The following SOX5 variants were observed in gnomAD, a reference collection of about 807,000 sequenced individuals.
SOX5 encodes the protein transcription factor SOX-5.
A neutral mutation model predicts 92.0 loss-of-function variants in SOX5; 9 were observed. The ratio of observed to expected loss-of-function variants is 0.10; its 90% CI spans 0.06 to 0.17. SOX5 has a LOEUF of 0.17. Among genes scored for constraint, SOX5 ranks in the 10% least tolerant of loss-of-function variants. SOX5 has a pLI of 1.00. For missense variants in SOX5, 642 were observed against 944.5 expected (o/e 0.68, Z 4.20); for synonymous variants, 344 against 336.3 (o/e 1.02, Z -0.25).
At chr12:23,914,331 C>A (rs1022978753) in intron 1 of SOX5, among the ~76,000 whole-genome samples, 60 of 152,004 alleles carry the variant, frequency 3.9e-4, no homozygotes, top group Middle Eastern at 3.2e-3. Context: ...ATGATATATT[C>A]CATGATGCTT....
At chr12:24,504,741 C>CT (rs958612188) in intron 1 of SOX5, among the ~76,000 whole-genome samples, 3 of 151,970 alleles carry the variant, frequency 2.0e-5, no homozygotes, top group African/African-American at 7.3e-5. Flanking sequence ...GTTCCTTTTT[C>CT]TTTTTTCAAC....
At chr12:24,204,343 ATT>A (rs1027463860) in intron 4 of SOX5, among the ~76,000 whole-genome samples, 1 of 151,104 alleles carries the variant, frequency 6.6e-6, no homozygotes, top group Admixed American at 6.6e-5. Flanking sequence ...TATTATTATT[ATT>A]TGAGATGGAC....
chr12:24,318,613 C>T (rs1018861283), intron 2 of SOX5, among the ~76,000 whole-genome samples: 1 of 152,146 alleles, frequency 6.6e-6, no homozygotes, highest in African/African-American at 2.4e-5. Flanking sequence ...TGACCATCTG[C>T]CTTCTTTACA....
At chr12:24,202,270 A>G (rs1957595148) in intron 4 of SOX5, among the ~76,000 whole-genome samples, 1 of 152,322 alleles carries the variant, frequency 6.6e-6, no homozygotes, top group South Asian at 2.1e-4. Flanking sequence ...TTTATATAGC[A>G]ATGGATAATA....
intron 7 of SOX5, among the ~76,000 whole-genome samples, chr12:23,644,699 A>G (rs1274179396): frequency 1.3e-5 from 2 of 152,222 alleles, no homozygotes; most frequent in Non-Finnish European, 2.9e-5. Flanking sequence ...GGGACAACCA[A>G]TATTACATAA....
At chr12:24,058,944 A>C (rs1164308841) in intron 4 of SOX5, among the ~76,000 whole-genome samples, 1 of 152,204 alleles carries the variant, frequency 6.6e-6, no homozygotes, top group African/African-American at 2.4e-5. Flanking sequence ...GATTCCTATG[A>C]AAAGATATCT....
intron 4 of SOX5, among the ~76,000 whole-genome samples, chr12:24,002,006 G>A (rs1951657425): frequency 6.6e-6 from 1 of 152,060 alleles, no homozygotes; most frequent in Non-Finnish European, 1.5e-5. Flanking sequence ...AAAATAGTGT[G>A]AGCTAAATGA....
intron 1 of SOX5, among the ~76,000 whole-genome samples, chr12:24,465,860 C>T (rs1944175078): frequency 6.6e-6 from 1 of 152,180 alleles, no homozygotes; most frequent in African/African-American, 2.4e-5. Context: ...TTCGGGAGAA[C>T]CTGCAATATC....
At chr12:23,930,403 A>G (rs1280526442) in intron 1 of SOX5, among the ~76,000 whole-genome samples, 1 of 151,750 alleles carries the variant, frequency 6.6e-6, no homozygotes, top group Non-Finnish European at 1.5e-5. Context: ...GCTCAAGTAA[A>G]CCTACAAAAG....
chr12:24,298,800 A>AAAC, intron 2 of SOX5, among the ~76,000 whole-genome samples: 1 of 123,440 alleles, frequency 8.1e-6, no homozygotes, highest in East Asian at 2.1e-4. Flanking sequence ...AAAAAAAAAA[A>AAAC]CTACATTTTT....
chr12:24,070,768 G>C (rs1280270712), intron 4 of SOX5, among the ~76,000 whole-genome samples: 17 of 152,144 alleles, frequency 1.1e-4, no homozygotes, highest in African/African-American at 3.6e-4. Context: ...TAAGTGTACA[G>C]CTCAAACAAT....
chr12:24,003,372 C>T (rs2418155), intron 4 of SOX5, among the ~76,000 whole-genome samples: 62,663 of 151,542 alleles, frequency 0.41, 13,467 homozygotes, highest in East Asian at 0.69. Context: ...GTAAAACTGT[C>T]TTTCTTCTCG....
chr12:23,556,206 C>G (rs1236041473), intron 11 of SOX5, among the ~76,000 whole-genome samples: 1 of 152,080 alleles, frequency 6.6e-6, no homozygotes, highest in Non-Finnish European at 1.5e-5. Flanking sequence ...ACCTAAGGAT[C>G]AAATGCCAAC....
chr12:24,495,655 G>A (rs1280307671), intron 1 of SOX5, among the ~76,000 whole-genome samples: 1 of 152,144 alleles, frequency 6.6e-6, no homozygotes, highest in African/African-American at 2.4e-5. Flanking sequence ...TTAGGTTCAA[G>A]GGTCTGATTA....
chr12:23,591,164 A>G (rs1375280393), intron 9 of SOX5, among the ~76,000 whole-genome samples: 1 of 152,034 alleles, frequency 6.6e-6, no homozygotes, highest in African/African-American at 2.4e-5. Context: ...TAGAAAGCAT[A>G]TTACTGCAGT....
chr12:23,624,848 G>T (rs577628633), intron 8 of SOX5, among the ~76,000 whole-genome samples: 1 of 152,102 alleles, frequency 6.6e-6, no homozygotes, highest in African/African-American at 2.4e-5. Flanking sequence ...AATGCAACAA[G>T]ATAAAAAGGA....
chr12:24,090,077 T>C (rs1334494847), intron 4 of SOX5, among the ~76,000 whole-genome samples: 1 of 152,186 alleles, frequency 6.6e-6, no homozygotes, highest in Non-Finnish European at 1.5e-5. Flanking sequence ...TTTAGATGTT[T>C]AACAGCATTG....
intron 4 of SOX5, among the ~76,000 whole-genome samples, chr12:24,060,117 T>C (rs1192127291): frequency 6.6e-6 from 1 of 152,228 alleles, no homozygotes; most frequent in African/African-American, 2.4e-5. Flanking sequence ...CATACTTTTA[T>C]AGTAAGTTGA....
chr12:23,642,585 G>C (rs192749824), intron 7 of SOX5, among the ~76,000 whole-genome samples: 2 of 152,346 alleles, frequency 1.3e-5, no homozygotes, highest in Admixed American at 1.3e-4. Flanking sequence ...GAAGTACAGA[G>C]AGCATGTAGG....
Sources: allele counts gnomAD v4.1 joint callset (sites outside exome capture counted in the v4.1 genomes callset), GRCh38; gene constraint gnomAD v4.1.1; transcripts MANE v1.5; gene names NCBI Gene and HGNC (gene_info 2026-07-23, HGNC 2026-07-21).